Variants in MECOM observed in about 807,000 individuals in gnomAD.
The protein encoded by MECOM is MDS1 and EVI1 complex locus, also known as histone-lysine N-methyltransferase MECOM.
Under a neutral mutation model 116.3 loss-of-function variants are expected in MECOM, and 13 were observed. The ratio of observed to expected loss-of-function variants is 0.11; its 90% CI spans 0.07 to 0.18. The LOEUF (loss-of-function observed/expected upper bound fraction) is 0.18, where lower values mean the gene tolerates loss of function less well. MECOM is among the 10% of genes least tolerant of loss of function. The probability of loss-of-function intolerance (pLI) is 1.00; values close to 1 mark genes in which losing one functional copy is unlikely to be tolerated. For synonymous variants in MECOM, 528 were observed against 535.2 expected (o/e 0.99, Z 0.19); for missense variants, 1,299 against 1,509.0 (o/e 0.86, Z 2.31).
chr3:169,296,263 A>C, intron 2 of MECOM, among the ~76,000 whole-genome samples: 1 of 152,218 alleles, frequency 6.6e-6, no homozygotes, highest in South Asian at 2.1e-4. Context: ...CAGGCAGGAC[A>C]TGAGAAAATC....
intron 1 of MECOM, among the ~76,000 whole-genome samples, chr3:169,501,251 G>C (rs1206919866): frequency 2.0e-5 from 3 of 151,910 alleles, no homozygotes; most frequent in Admixed American, 2.0e-4. Context: ...CATTCTGCAT[G>C]ACTCTGTATA....
Position 169,273,829 on chromosome 3 carries a change from C to T in MECOM, c.375+107358G>A, listed in dbSNP as rs1417175184. On this transcript the variant is annotated intron_variant, in intron 2 of 16. Coordinates refer to ENST00000651503, the MANE Select transcript of MECOM (RefSeq NM_004991.4). Reference sequence around the variant, plus strand: ...AAGAGGATGGTTTTGTCCCTGTGTGCTATCATGGCTGTGTGGAGGCCACTA... The same window carrying T: ...AAGAGGATGGTTTTGTCCCTGTGTGTTATCATGGCTGTGTGGAGGCCACTA... Among the ~76,000 whole-genome samples the T allele has an allele frequency of 2.6e-5, 4 of 151,288 alleles. No homozygotes were observed. The South Asian group carries it at 6.2e-4, about 24-fold the overall frequency.
intron 12 of MECOM, among the ~76,000 whole-genome samples, chr3:169,096,096 A>G (rs1560127804): frequency 6.6e-6 from 1 of 152,180 alleles, no homozygotes; most frequent in Non-Finnish European, 1.5e-5. Flanking sequence ...AAATACAAAA[A>G]TGCAAGGCCT....
intron 2 of MECOM, among the ~76,000 whole-genome samples, chr3:169,196,204 G>A (rs879714300): frequency 2.0e-5 from 3 of 151,974 alleles, no homozygotes; most frequent in Non-Finnish European, 2.9e-5. Context: ...TGGCTGACCT[G>A]CATGAGATGG....
intron 2 of MECOM, among the ~76,000 whole-genome samples, chr3:169,196,544 G>A (rs537070886): frequency 3.3e-5 from 5 of 152,142 alleles, no homozygotes; most frequent in East Asian, 1.9e-4. Context: ...CTACTGAGAA[G>A]TTTATTAACA....
intron 1 of MECOM, among the ~76,000 whole-genome samples, chr3:169,391,175 T>A (rs1438461715): frequency 6.6e-6 from 1 of 152,144 alleles, no homozygotes; most frequent in Non-Finnish European, 1.5e-5. Flanking sequence ...GAACACTAAC[T>A]TAACCACACT....
At chr3:169,281,419 G>T (rs1265520958) in intron 2 of MECOM, among the ~76,000 whole-genome samples, 2 of 152,146 alleles carry the variant, frequency 1.3e-5, no homozygotes, top group African/African-American at 4.8e-5. Context: ...AATGCTTTGT[G>T]AACTCTAAAG....
chr3:169,513,352 G>A (rs1001234573), intron 1 of MECOM, among the ~76,000 whole-genome samples: 1 of 152,216 alleles, frequency 6.6e-6, no homozygotes, highest in Non-Finnish European at 1.5e-5. Context: ...TGGACTTACG[G>A]TAATAAAATT....
chr3:169,515,498 C>T (rs1191205817), intron 1 of MECOM, among the ~76,000 whole-genome samples: 1 of 152,092 alleles, frequency 6.6e-6, no homozygotes, highest in African/African-American at 2.4e-5. Flanking sequence ...GGATCTGAAC[C>T]TTGGTTTGTC....
chr3:169,646,698 T>C (rs1210912570), intron 1 of MECOM, among the ~76,000 whole-genome samples: 2 of 151,982 alleles, frequency 1.3e-5, no homozygotes, highest in Non-Finnish European at 2.9e-5. Context: ...CCTAAAAATA[T>C]GCTGGTGAGC....
chr3:169,610,612 T>C (rs1016712377), intron 1 of MECOM, among the ~76,000 whole-genome samples: 2 of 151,996 alleles, frequency 1.3e-5, no homozygotes, highest in Non-Finnish European at 2.9e-5. Flanking sequence ...GTAAGTATAA[T>C]AGATATTTCT....
intron 2 of MECOM, among the ~76,000 whole-genome samples, chr3:169,327,034 A>G (rs1012251698): frequency 6.6e-6 from 1 of 152,208 alleles, no homozygotes; most frequent in African/African-American, 2.4e-5. Flanking sequence ...CTCTTAGATG[A>G]CAAAAATAAA....
chr3:169,336,903 G>A (rs1723666066), intron 2 of MECOM, among the ~76,000 whole-genome samples: 1 of 152,134 alleles, frequency 6.6e-6, no homozygotes, highest in Non-Finnish European at 1.5e-5. Context: ...TTACCACAGT[G>A]TAATATTTGA....
chr3:169,206,009 C>G (rs571279178), intron 2 of MECOM, among the ~76,000 whole-genome samples: 1 of 152,110 alleles, frequency 6.6e-6, no homozygotes, highest in Non-Finnish European at 1.5e-5. Flanking sequence ...GGCTGAGTAG[C>G]GCAGCCCCCT....
chr3:169,097,204 A>C (rs1002349433), intron 12 of MECOM, among the ~76,000 whole-genome samples: 1 of 152,142 alleles, frequency 6.6e-6, no homozygotes, highest in Non-Finnish European at 1.5e-5. Context: ...TGTTTCTGCC[A>C]TGCTTCTAAC....
At chr3:169,257,457 C>T (rs1209978328) in intron 2 of MECOM, among the ~76,000 whole-genome samples, 1 of 152,210 alleles carries the variant, frequency 6.6e-6, no homozygotes, top group Non-Finnish European at 1.5e-5. Context: ...TGACCAATCT[C>T]CTGTTACCAC....
chr3:169,451,674 TAG>T (rs1351730076), intron 1 of MECOM, among the ~76,000 whole-genome samples: 7 of 152,210 alleles, frequency 4.6e-5, no homozygotes, highest in African/African-American at 1.7e-4. Flanking sequence ...TGCTACACTT[TAG>T]AGAGATGTCT....
chr3:169,267,428 G>T lies in MECOM; in HGVS notation c.375+113759C>A, dbSNP rs193276256. Reference sequence around the variant, plus strand: ...CTTCTCTATAAAATAAGTGAGTTGGGCTGGATGATCCTAAGGAAACAGGAA... The same window carrying T: ...CTTCTCTATAAAATAAGTGAGTTGGTCTGGATGATCCTAAGGAAACAGGAA... On this transcript the variant is annotated intron_variant, in intron 2 of 16. Coordinates refer to ENST00000651503, the MANE Select transcript of MECOM (RefSeq NM_004991.4). 7.8e-3 allele frequency among the ~76,000 whole-genome samples: 1,194 copies of T among 152,244 alleles called. 19 individuals carry two copies. Among genetic ancestry groups the T allele is most frequent in the Non-Finnish European group, 7.0e-3 (473 of 67,994 alleles).
intron 2 of MECOM, among the ~76,000 whole-genome samples, chr3:169,353,683 A>G (rs1016225159): frequency 6.6e-6 from 1 of 151,924 alleles, no homozygotes; most frequent in African/African-American, 2.4e-5. Context: ...ATAAAATACT[A>G]TCTTCTAATC....
Sources: allele counts gnomAD v4.1 joint callset (sites outside exome capture counted in the v4.1 genomes callset), GRCh38; gene constraint gnomAD v4.1.1; transcripts MANE v1.5; gene names NCBI Gene and HGNC (gene_info 2026-07-23, HGNC 2026-07-21).